Variants in CHRM5 observed in about 807,000 individuals in gnomAD.
CHRM5 encodes the protein muscarinic acetylcholine receptor M5.
Under a neutral mutation model 39.0 loss-of-function variants are expected in CHRM5, and 18 were observed. The observed-to-expected ratio is 0.46, with a 90% CI of 0.32 to 0.68. The LOEUF (loss-of-function observed/expected upper bound fraction) is 0.68. CHRM5 is among the 30% of genes least tolerant of loss of function. The probability of loss-of-function intolerance (pLI) is 0.04; values close to 1 mark genes in which losing one functional copy is unlikely to be tolerated. For missense variants in CHRM5, 515 were observed against 651.1 expected, an observed-to-expected ratio of 0.79 and a Z score of 2.28; for synonymous variants, 241 against 246.3, an observed-to-expected ratio of 0.98 and a Z score of 0.20.
intron 1 of CHRM5, among the ~76,000 whole-genome samples, chr15:34,000,221 T>C (rs752047517): frequency 5.3e-5 from 8 of 152,258 alleles, no homozygotes; most frequent in Non-Finnish European, 1.0e-4. Context: ...TAAGCAATTA[T>C]AGCATTTAAC....
chr15:34,060,969 T>C, intron 2 of CHRM5, among the ~76,000 whole-genome samples: 1 of 148,706 alleles, frequency 6.7e-6, no homozygotes, highest in African/African-American at 2.5e-5. Context: ...TGAGCCGAGA[T>C]AGCGCCACTG....
At chr15:34,059,688 TG>T (rs1456829104) in intron 2 of CHRM5, among the ~76,000 whole-genome samples, 2 of 152,220 alleles carry the variant, frequency 1.3e-5, no homozygotes, top group African/African-American at 4.8e-5. Context: ...TGAAACATTC[TG>T]GCACTAGCAT....
intron 1 of CHRM5, among the ~76,000 whole-genome samples, chr15:34,030,538 G>A (rs1003311228): frequency 6.6e-6 from 1 of 152,046 alleles, no homozygotes; most frequent in African/African-American, 2.4e-5. Context: ...AGTAGAGACA[G>A]GGTTTCATTG....
intron 1 of CHRM5, among the ~76,000 whole-genome samples, chr15:34,006,219 G>A (rs1467041628): frequency 1.3e-5 from 2 of 151,972 alleles, no homozygotes; most frequent in East Asian, 3.9e-4. Flanking sequence ...GCTGAGGCAG[G>A]AGAATGGCGT....
intron 1 of CHRM5, among the ~76,000 whole-genome samples, chr15:34,037,783 T>A (rs530994517): frequency 1.2e-4 from 18 of 152,188 alleles, no homozygotes; most frequent in Non-Finnish European, 2.6e-4. Context: ...CAGCTCTGTA[T>A]TGCTGTATAC....
At chr15:34,030,347 T>C (rs1166692402) in intron 1 of CHRM5, among the ~76,000 whole-genome samples, 2 of 152,088 alleles carry the variant, frequency 1.3e-5, no homozygotes, top group African/African-American at 4.8e-5. Context: ...TGGGGGGTTT[T>C]TTGTTTTGTT....
At position 34,003,155 on chromosome 15, in the gene CHRM5, T is replaced by G. The variant is rs1236036093; in HGVS notation, c.-408+34005T>G. 4 of 1,613,854 alleles carry G rather than the reference T, an allele frequency of 2.5e-6. No homozygotes were observed. In the Admixed American group the frequency reaches 6.7e-5, roughly 27 times the overall value. On this transcript the variant is annotated intron_variant, in intron 1 of 2. Coordinates refer to ENST00000383263, the MANE Select transcript of CHRM5 (RefSeq NM_012125.4). ...GAGACAATCTTTCTTTTAGAATAAT[T>G]TCCCTGTTCATCATTCTCTTCTCCA...
At chr15:33,977,479 G>A (rs988385581) in intron 1 of CHRM5, among the ~76,000 whole-genome samples, 1 of 152,054 alleles carries the variant, frequency 6.6e-6, no homozygotes, top group African/African-American at 2.4e-5. Flanking sequence ...ATTCTCTTTT[G>A]TTAGGAGGCT....
intron 1 of CHRM5, among the ~76,000 whole-genome samples, chr15:34,008,218 C>G (rs1163278315): frequency 6.6e-6 from 1 of 151,856 alleles, no homozygotes; most frequent in Non-Finnish European, 1.5e-5. Context: ...GCCAGGAGTT[C>G]AAGACCAGCC....
At chr15:34,057,352 C>T (rs1305938444) in intron 2 of CHRM5, among the ~76,000 whole-genome samples, 3 of 151,152 alleles carry the variant, frequency 2.0e-5, no homozygotes, top group Non-Finnish European at 4.4e-5. Context: ...CCATGTTAGC[C>T]AGGATGGTCT....
chr15:33,982,221 G>C (rs554580418), intron 1 of CHRM5, among the ~76,000 whole-genome samples: 1 of 152,034 alleles, frequency 6.6e-6, no homozygotes, highest in Admixed American at 6.6e-5. Context: ...TGCAGATGTA[G>C]AGCTGCATCT....
rs1381358191 is a variant in CHRM5, at chr15:34,067,389, GAT to G, written c.*3076_*3077del. ...TGTAAATACTGGAATTACAGCAAAG[GAT>G]ATGGGGACTGGGCTGCTTTTCTGTA... On this transcript the variant is annotated 3_prime_UTR_variant, in exon 3 of 3. Coordinates refer to ENST00000383263, the MANE Select transcript of CHRM5 (RefSeq NM_012125.4). 1 of 152,212 alleles carries G rather than the reference GAT, an allele frequency of 6.6e-6. No individual in the cohort carries two copies. The highest frequency in any genetic ancestry group is 1.5e-5 in the Non-Finnish European group (1 of 68,054). The allele number at this position is 152,212 out of a possible 1,614,324, so 9.4% of individuals were successfully genotyped here.
At chr15:34,055,724 C>T (rs897057976) in intron 2 of CHRM5, among the ~76,000 whole-genome samples, 1 of 151,944 alleles carries the variant, frequency 6.6e-6, no homozygotes, top group African/African-American at 2.4e-5. Flanking sequence ...TGGTGTGAAC[C>T]CGGGAGGTGG....
Position 34,060,697 on chromosome 15 carries a change from G to A in CHRM5, c.-75-1946G>A, listed in dbSNP as rs549747484. Among the ~76,000 whole-genome samples the A allele has an allele frequency of 3.3e-5, 5 of 152,312 alleles. No individual in the cohort carries two copies. In the South Asian group the frequency reaches 1.0e-3, roughly 32 times the overall value. On this transcript the variant is annotated intron_variant, in intron 2 of 2. Transcript: ENST00000383263. Reference sequence around the variant, plus strand: ...TCGAGACCAGTCTGGCCAACATGGCGAAACCTCATCTCTACTAAAAAGTAC... The same window carrying A: ...TCGAGACCAGTCTGGCCAACATGGCAAAACCTCATCTCTACTAAAAAGTAC...
At chr15:34,050,611 CAT>C (rs1247966071) in intron 2 of CHRM5, among the ~76,000 whole-genome samples, 3 of 152,080 alleles carry the variant, frequency 2.0e-5, no homozygotes, top group Admixed American at 6.5e-5. Context: ...AGACTCATCT[CAT>C]GTGTGAAGAC....
chr15:34,058,051 A>T (rs1315060956), intron 2 of CHRM5, among the ~76,000 whole-genome samples: 2 of 152,140 alleles, frequency 1.3e-5, no homozygotes, highest in Non-Finnish European at 2.9e-5. Context: ...GCAGGAATCA[A>T]TGTTGCTGTC....
At chr15:34,037,711 A>G (rs1373952134) in intron 1 of CHRM5, among the ~76,000 whole-genome samples, 1 of 151,956 alleles carries the variant, frequency 6.6e-6, no homozygotes, top group East Asian at 1.9e-4. Flanking sequence ...CCTATTACCT[A>G]TCTTAATCCT....
At chr15:34,044,597 C>G (rs946886729) in intron 1 of CHRM5, among the ~76,000 whole-genome samples, 3 of 152,162 alleles carry the variant, frequency 2.0e-5, no homozygotes, top group Non-Finnish European at 4.4e-5. Flanking sequence ...GTAATATTTT[C>G]CCAGTACTCT....
Position 34,064,616 on chromosome 15 carries a change from A to G in CHRM5, c.*300A>G, listed in dbSNP as rs1597396938. ...GAGGAAGCACACTGGGTAACAATGA[A>G]CAGTGACTCAGGGAACTTATGCCCC... On this transcript the variant is annotated 3_prime_UTR_variant, in exon 3 of 3. Coordinates refer to ENST00000383263, the MANE Select transcript of CHRM5 (RefSeq NM_012125.4). 1 of 359,956 alleles carries G rather than the reference A, an allele frequency of 2.8e-6. No individual in the cohort carries two copies. Among genetic ancestry groups the G allele is most frequent in the East Asian group, 5.5e-5 (1 of 18,206 alleles). 22.3% of individuals were successfully genotyped at this position (359,956 alleles called of 1,614,324 possible). A position where few individuals can be genotyped will look rare whatever the true frequency, so the allele number is the denominator to read the frequency against.
Sources: gnomAD v4.1 joint callset for allele counts (sites outside exome capture counted in the v4.1 genomes callset) on GRCh38, gnomAD v4.1.1 for gene constraint, MANE v1.5 for transcripts, NCBI Gene and HGNC (gene_info 2026-07-23, HGNC 2026-07-21) for gene names.